Variants in COL14A1 observed in about 807,000 individuals in gnomAD.
The protein encoded by COL14A1 is collagen alpha-1(XIV) chain.
COL14A1 carries 136 observed loss-of-function variants against 230.3 expected under a neutral mutation model. The ratio of observed to expected loss-of-function variants is 0.59; its 90% confidence interval spans 0.51 to 0.68. The LOEUF is 0.68. Ranked by LOEUF, COL14A1 falls within the 30% of genes least tolerant of loss-of-function variation. The pLI, the probability that COL14A1 is intolerant of heterozygous loss-of-function variation, is 0.00. For missense variants in COL14A1, 1,976 were observed against 2,215.8 expected, an observed-to-expected ratio of 0.89 and a Z score of 2.17; for synonymous variants, 792 against 784.1, an observed-to-expected ratio of 1.01 and a Z score of -0.17.
At chr8:120,140,271 T>G (rs568381779) in intron 1 of COL14A1, among the ~76,000 whole-genome samples, 3 of 152,322 alleles carry the variant, frequency 2.0e-5, no homozygotes, top group African/African-American at 7.2e-5. Flanking sequence ...ATATGATTGC[T>G]GGCAATCTTG....
chr8:120,355,662 C>A (rs559248768), intron 45 of COL14A1, among the ~76,000 whole-genome samples: 2 of 152,086 alleles, frequency 1.3e-5, no homozygotes, highest in Non-Finnish European at 2.9e-5. Context: ...ACAACCCCCC[C>A]ACCCCGCCTC....
intron 39 of COL14A1, 133 bp from the exon 40 acceptor site, chr8:120,315,811 A>T (rs1057058575): frequency 2.1e-6 from 2 of 961,270 alleles, no homozygotes; most frequent in African/African-American, 1.6e-5. Context: ...TCTAAGTCTG[A>T]ATTCTAGGTT....
chr8:120,252,934 G>C (rs1819021460), intron 22 of COL14A1, among the ~76,000 whole-genome samples: 1 of 152,144 alleles, frequency 6.6e-6, no homozygotes, highest in Admixed American at 6.5e-5. Context: ...GACCTTAAAG[G>C]CTAGACAGTG....
chr8:120,268,085 A>G (rs1406827252), intron 25 of COL14A1, among the ~76,000 whole-genome samples: 2 of 151,886 alleles, frequency 1.3e-5, no homozygotes, highest in Non-Finnish European at 2.9e-5. Flanking sequence ...ACTCTAATAA[A>G]GCTCAACATT....
At chr8:120,358,999 T>C (rs1823087357) in intron 45 of COL14A1, among the ~76,000 whole-genome samples, 1 of 152,204 alleles carries the variant, frequency 6.6e-6, no homozygotes, top group Non-Finnish European at 1.5e-5. Context: ...GTAGTTTGAC[T>C]TTCCTGAACT....
chr8:120,301,179 T>C (rs1441491956), intron 36 of COL14A1, among the ~76,000 whole-genome samples: 1 of 152,084 alleles, frequency 6.6e-6, no homozygotes, highest in Non-Finnish European at 1.5e-5. Context: ...ATACATCTGC[T>C]TTGTCCACTT....
intron 22 of COL14A1, among the ~76,000 whole-genome samples, chr8:120,252,393 T>G (rs1164457751): frequency 6.6e-6 from 1 of 152,192 alleles, no homozygotes; most frequent in Non-Finnish European, 1.5e-5. Context: ...CTCAAAATTT[T>G]TAATCACATT....
intron 2 of COL14A1, among the ~76,000 whole-genome samples, chr8:120,150,423 G>T (rs1003097106): frequency 6.6e-6 from 1 of 152,112 alleles, no homozygotes. Context: ...AATCATTTAA[G>T]GGGTATAAGA....
rs752026460 is a variant in COL14A1, at chr8:120,168,204, A to T, written c.393A>T (p.Lys131Asn). ...GAAAGGATCCAAAGCCCAGAGTCAA[A>T]GTTGTGGACAGAGGAAATGGGAGTA... is the stretch of plus-strand genomic sequence containing the variant. Reference protein sequence around the residue: ...EKRKDPKPRVKVVDRGNGSRP... With the variant: ...EKRKDPKPRVNVVDRGNGSRP... Residue 131 changes from lysine (K) to asparagine (N), a missense_variant, in exon 5 of 48, where the codon AAA becomes AAT. Physicochemically the swap from Lys to Asn is moderately conservative, Grantham distance 94. Transcript: ENST00000297848. The T allele has an allele frequency of 6.2e-7, 1 of 1,612,738 alleles. No individual in the cohort carries two copies. The highest frequency in any genetic ancestry group is 1.3e-5 in the African/African-American group (1 of 74,856).
chr8:120,265,333 C>A (rs1032744926), intron 24 of COL14A1, among the ~76,000 whole-genome samples: 8 of 152,008 alleles, frequency 5.3e-5, no homozygotes, highest in Admixed American at 1.3e-4. Flanking sequence ...ACTACTTCCA[C>A]AAATTTTAAA....
At chr8:120,327,508 C>T (rs1821718746) in intron 40 of COL14A1, among the ~76,000 whole-genome samples, 1 of 152,168 alleles carries the variant, frequency 6.6e-6, no homozygotes, top group African/African-American at 2.4e-5. Flanking sequence ...AAGTCAAATA[C>T]ACAAGGATCT....
chr8:120,357,371 G>T (rs1823024942), intron 45 of COL14A1, among the ~76,000 whole-genome samples: 1 of 152,144 alleles, frequency 6.6e-6, no homozygotes, highest in African/African-American at 2.4e-5. Flanking sequence ...GCATGGTTGA[G>T]AATTCATTTT....
chr8:120,231,570 GACCT>G lies in COL14A1; in HGVS notation c.2304_2307del (p.Tyr769Ter). 6.2e-7 allele frequency: 1 copy of G among 1,614,004 alleles called. No homozygotes were observed. The highest frequency in any genetic ancestry group is 2.2e-5 in the East Asian group (1 of 44,866). On this transcript the variant is annotated frameshift_variant, in exon 19 of 48. Transcript: ENST00000297848. LOFTEE classifies it high-confidence loss of function. Reference sequence around the variant, plus strand: ...ACAGCGATGTGCAGCAGTTTAGGGTGACCTACATGACAGCTCAAGGGGACCCTGA... The same window carrying G: ...ACAGCGATGTGCAGCAGTTTAGGGTGACATGACAGCTCAAGGGGACCCTGA...
chr8:120,301,051 T>C (rs1820694883), intron 36 of COL14A1, among the ~76,000 whole-genome samples: 1 of 152,118 alleles, frequency 6.6e-6, no homozygotes, highest in African/African-American at 2.4e-5. Flanking sequence ...TTCTCACCAC[T>C]GTGTCATACG....
At chr8:120,247,517 T>G (rs1243023562) in intron 20 of COL14A1, 96 bp from the exon 21 acceptor site, 22 of 1,158,836 alleles carry the variant, frequency 1.9e-5, no homozygotes, top group Non-Finnish European at 2.5e-5. Flanking sequence ...ATTTTTAATT[T>G]TGTGGGAAGA....
At chr8:120,226,530 AT>A in intron 15 of COL14A1, 96 bp from the exon 16 acceptor site, 1 of 1,299,594 alleles carries the variant, frequency 7.7e-7, no homozygotes, top group South Asian at 1.6e-5. Context: ...AAAGCAAAAG[AT>A]TCCTCAAAGA....
intron 40 of COL14A1, among the ~76,000 whole-genome samples, chr8:120,326,442 A>G (rs1408979477): frequency 2.6e-5 from 4 of 152,198 alleles, no homozygotes; most frequent in African/African-American, 9.7e-5. Flanking sequence ...AGCATGTAGT[A>G]CCTGTACAGG....
At chr8:120,154,512 T>A (rs1815397097) in intron 2 of COL14A1, among the ~76,000 whole-genome samples, 1 of 152,184 alleles carries the variant, frequency 6.6e-6, no homozygotes, top group African/African-American at 2.4e-5. Flanking sequence ...GGGTAGCCGC[T>A]CCTCAGTCTT....
intron 26 of COL14A1, among the ~76,000 whole-genome samples, chr8:120,270,702 A>G (rs1028240060): frequency 4.0e-5 from 6 of 151,780 alleles, no homozygotes; most frequent in Admixed American, 2.0e-4. Context: ...CAGAATGGCT[A>G]TTATTAAAAA....
Sources: allele counts gnomAD v4.1 joint callset (sites outside exome capture counted in the v4.1 genomes callset), GRCh38; gene constraint gnomAD v4.1.1; transcripts MANE v1.5; gene names NCBI Gene and HGNC (gene_info 2026-07-23, HGNC 2026-07-21).